Variants in CACNA1D observed in about 807,000 individuals in gnomAD.
The protein encoded by CACNA1D is calcium voltage-gated channel subunit alpha1 D.
Under a neutral mutation model 257.1 loss-of-function variants are expected in CACNA1D, and 55 were observed. The ratio of observed to expected loss-of-function variants is 0.21; its 90% CI spans 0.17 to 0.27. The LOEUF (loss-of-function observed/expected upper bound fraction) is 0.27, where lower values mean the gene tolerates loss of function less well. CACNA1D is among the 10% of genes least tolerant of loss of function. CACNA1D has a pLI of 1.00. For synonymous variants in CACNA1D, 980 were observed against 1,014.9 expected (o/e 0.97, Z 0.65); for missense variants, 1,876 against 2,784.0 (o/e 0.67, Z 7.34).
Position 53,521,984 on chromosome 3 carries a change from T to C in CACNA1D, c.483+20264T>C, listed in dbSNP as rs1451486331. ...TACCAAAAAAAAAAAAAAAAGAAAT[T>C]AGCCAGGCATGGTGGTGTGTGCTTG... On this transcript the variant is annotated intron_variant, in intron 3 of 47. Coordinates refer to ENST00000350061, the MANE Select transcript of CACNA1D (RefSeq NM_001128840.3). Among the ~76,000 whole-genome samples, 6 of 150,448 alleles carry C rather than the reference T, an allele frequency of 4.0e-5. No individual in the cohort carries two copies. The East Asian group carries it at 1.2e-3, about 30-fold the overall frequency.
chr3:53,575,578 G>A (rs1466251395), intron 3 of CACNA1D, among the ~76,000 whole-genome samples: 1 of 152,196 alleles, frequency 6.6e-6, no homozygotes, highest in Non-Finnish European at 1.5e-5. Flanking sequence ...TGGCCATGGT[G>A]CACAACATTG....
At chr3:53,669,185 T>TA (rs2094298916) in intron 7 of CACNA1D, among the ~76,000 whole-genome samples, 2 of 152,262 alleles carry the variant, frequency 1.3e-5, no homozygotes. Flanking sequence ...TAGCTCATCA[T>TA]AGAGATAGGC....
intron 2 of CACNA1D, 108 bp from the exon 3 acceptor site, chr3:53,501,507 A>T: frequency 1.4e-6 from 1 of 697,366 alleles, no homozygotes; most frequent in Non-Finnish European, 2.6e-6. Flanking sequence ...GGATTTGTGT[A>T]TGTCATTTTC....
intron 19 of CACNA1D, among the ~76,000 whole-genome samples, chr3:53,733,583 G>A (rs750907659): frequency 1.3e-5 from 2 of 152,132 alleles, no homozygotes; most frequent in Non-Finnish European, 2.9e-5. Flanking sequence ...TGCTCACAAG[G>A]AACAGGGTAA....
intron 14 of CACNA1D, among the ~76,000 whole-genome samples, chr3:53,725,853 G>A (rs560366469): frequency 2.6e-5 from 4 of 152,152 alleles, no homozygotes; most frequent in East Asian, 1.9e-4. Flanking sequence ...TCTGTCTGTC[G>A]TCGGAAGATA....
At chr3:53,542,656 T>C (rs918905136) in intron 3 of CACNA1D, among the ~76,000 whole-genome samples, 5 of 152,086 alleles carry the variant, frequency 3.3e-5, no homozygotes, top group South Asian at 2.1e-4. Context: ...AGATGCAAGT[T>C]AGATATAAGT....
chr3:53,805,831 C>CCCTCCTCCTCCATCTTT (rs1425660343), intron 45 of CACNA1D, among the ~76,000 whole-genome samples: 2 of 141,586 alleles, frequency 1.4e-5, no homozygotes, highest in African/African-American at 5.3e-5. Context: ...CCTCCATCTT[C>CCCTCCTCCTCCATCTTT]CCTCCTCCTC....
chr3:53,669,445 T>C (rs1310253033), intron 7 of CACNA1D, among the ~76,000 whole-genome samples: 1 of 152,254 alleles, frequency 6.6e-6, no homozygotes, highest in Non-Finnish European at 1.5e-5. Flanking sequence ...TCTTGGGAGA[T>C]AAAAAGAGAT....
At chr3:53,797,682 A>G (rs1348072902) in intron 40 of CACNA1D, 1 of 152,196 alleles carries the variant, frequency 6.6e-6, no homozygotes, top group East Asian at 1.9e-4. Flanking sequence ...TTTTGTTTCT[A>G]TTATGCAATT....
intron 31 of CACNA1D, 112 bp from the exon 32 acceptor site, chr3:53,770,312 A>G: frequency 9.6e-7 from 1 of 1,043,578 alleles, no homozygotes; most frequent in Non-Finnish European, 1.5e-6. Context: ...AAGGCCCTAG[A>G]ATCACATCTT....
intron 19 of CACNA1D, among the ~76,000 whole-genome samples, chr3:53,733,167 C>T (rs2095016399): frequency 6.6e-6 from 1 of 152,230 alleles, no homozygotes; most frequent in African/African-American, 2.4e-5. Context: ...TCCTAGCTGC[C>T]TCCTTCCCAC....
Position 53,705,123 on chromosome 3 carries a change from G to A in CACNA1D, c.1390+2313G>A, listed in dbSNP as rs769912406. Among the ~76,000 whole-genome samples the A allele has an allele frequency of 9.9e-5, 15 of 152,184 alleles. 1 individual carries two copies. The highest frequency in any genetic ancestry group is 5.9e-4 in the Admixed American group (9 of 15,284). On this transcript the variant is annotated intron_variant, in intron 9 of 47. Coordinates refer to ENST00000350061, the MANE Select transcript of CACNA1D (RefSeq NM_001128840.3). ...GGGAAGATGGAGAAGGAGTGGCTTA[G>A]TGTGAGAAGCTGATCCCATTGTTAA...
chr3:53,657,050 A>T (rs1379616803), intron 4 of CACNA1D, among the ~76,000 whole-genome samples: 1 of 152,130 alleles, frequency 6.6e-6, no homozygotes, highest in Non-Finnish European at 1.5e-5. Flanking sequence ...TACCAGTTCT[A>T]CTCTTAGGTG....
chr3:53,557,447 T>A (rs2092666029), intron 3 of CACNA1D, among the ~76,000 whole-genome samples: 1 of 152,044 alleles, frequency 6.6e-6, no homozygotes, highest in Non-Finnish European at 1.5e-5. Context: ...TGAGCCGAGA[T>A]TGCGCCATTG....
chr3:53,633,748 C>T (rs1339275703), intron 3 of CACNA1D, among the ~76,000 whole-genome samples: 1 of 152,300 alleles, frequency 6.6e-6, no homozygotes, highest in East Asian at 1.9e-4. Context: ...CAGGGGTAAT[C>T]CTGTCCCATA....
chr3:53,497,070 G>A (rs1404215659), intron 1 of CACNA1D, 82 bp from the exon 2 acceptor site: 52 of 1,031,496 alleles, frequency 5.0e-5, no homozygotes, highest in Non-Finnish European at 6.8e-5. Context: ...GTTATTGATG[G>A]GAGACAACCT....
intron 22 of CACNA1D, 56 bp from the exon 23 acceptor site, chr3:53,744,684 A>C (rs145658883): frequency 1.1e-6 from 1 of 934,314 alleles, no homozygotes; most frequent in African/African-American, 1.6e-5. Flanking sequence ...TGAATCTCAA[A>C]GCATCCTGTC....
chr3:53,565,461 C>G (rs533705162), intron 3 of CACNA1D, among the ~76,000 whole-genome samples: 2 of 152,256 alleles, frequency 1.3e-5, no homozygotes, highest in East Asian at 3.9e-4. Flanking sequence ...GGCTTGAGCT[C>G]TATTTATCTG....
chr3:53,642,000 C>A (rs929905089), intron 3 of CACNA1D, among the ~76,000 whole-genome samples: 12 of 152,154 alleles, frequency 7.9e-5, no homozygotes, highest in Non-Finnish European at 1.5e-5. Context: ...GGTGGGACTC[C>A]TTCATTTGCA....
Sources: gnomAD v4.1 joint callset for allele counts (sites outside exome capture counted in the v4.1 genomes callset) on GRCh38, gnomAD v4.1.1 for gene constraint, MANE v1.5 for transcripts, NCBI Gene and HGNC (gene_info 2026-07-23, HGNC 2026-07-21) for gene names.